Variants in C1orf94 observed in about 807,000 individuals in gnomAD.
C1orf94 encodes the protein chromosome 1 open reading frame 94, also known as uncharacterized protein C1orf94.
In C1orf94, 45 loss-of-function variants were observed where a neutral mutation model predicts 53.6. The observed-to-expected ratio is 0.84, with a 90% CI of 0.66 to 1.08. The LOEUF (loss-of-function observed/expected upper bound fraction) is 1.08, where lower values mean the gene tolerates loss of function less well. Ranked by LOEUF, C1orf94 falls within the 50% of genes least tolerant of loss-of-function variation. The pLI, the probability that C1orf94 is intolerant of heterozygous loss-of-function variation, is 0.00. For missense variants in C1orf94, 762 were observed against 738.9 expected, an observed-to-expected ratio of 1.03 and a Z score of -0.36; for synonymous variants, 304 against 296.1, an observed-to-expected ratio of 1.03 and a Z score of -0.27.
At chr1:34,192,878 G>C (rs1642515954) in intron 1 of C1orf94, among the ~76,000 whole-genome samples, 1 of 152,096 alleles carries the variant, frequency 6.6e-6, no homozygotes, top group Non-Finnish European at 1.5e-5. Context: ...GTAGATAAAA[G>C]CCCAACATGA....
intron 1 of C1orf94, among the ~76,000 whole-genome samples, chr1:34,180,347 C>T (rs1642295025): frequency 6.6e-6 from 1 of 152,170 alleles, no homozygotes; most frequent in Non-Finnish European, 1.5e-5. Flanking sequence ...TTTTATTATG[C>T]AAATTTTCAA....
chr1:34,194,303 G>T (rs931859240), intron 1 of C1orf94, among the ~76,000 whole-genome samples: 2 of 152,300 alleles, frequency 1.3e-5, no homozygotes, highest in Non-Finnish European at 2.9e-5. Flanking sequence ...TGACAGATGA[G>T]GAATACAAGG....
In C1orf94 at chr1:34,182,020, C is replaced by T. The variant is rs1012934438; in HGVS notation, c.320+3911C>T. ...ACCAGCCTGGGCAACATGGCAAGAC[C>T]TCATCTCTACAAAAAATACAAAAAT... On this transcript the variant is annotated intron_variant, in intron 1 of 6. Coordinates refer to ENST00000488417, the MANE Select transcript of C1orf94 (RefSeq NM_001134734.2). Among the ~76,000 whole-genome samples the T allele has an allele frequency of 2.0e-5, 3 of 152,084 alleles. No individual in the cohort carries two copies. The East Asian group carries it at 5.8e-4, about 29-fold the overall frequency.
intron 1 of C1orf94, among the ~76,000 whole-genome samples, chr1:34,190,238 C>T (rs957402009): frequency 2.6e-5 from 4 of 152,192 alleles, no homozygotes; most frequent in Non-Finnish European, 5.9e-5. Flanking sequence ...TGTCACTCCT[C>T]TAGATTATCC....
upstream of C1orf94, among the ~76,000 whole-genome samples, chr1:34,172,577 C>T (rs146356844): frequency 5.9e-3 from 902 of 152,288 alleles, 10 homozygotes; most frequent in African/African-American, 0.021. Flanking sequence ...AGTGTGTCAG[C>T]TGCCACCACC....
intron 6 of C1orf94, 78 bp downstream of exon 6, chr1:34,212,484 G>A: frequency 7.1e-7 from 1 of 1,404,412 alleles, no homozygotes; most frequent in Non-Finnish European, 9.6e-7. Context: ...GGGCTTACCA[G>A]CGCTTTCTTA....
chr1:34,209,878 T>A (rs976660678), intron 5 of C1orf94, among the ~76,000 whole-genome samples: 16 of 152,202 alleles, frequency 1.1e-4, no homozygotes, highest in Admixed American at 1.0e-3. Context: ...TGCATGCATG[T>A]GTATGTATTT....
At chr1:34,198,098 T>G (rs17485021) in intron 2 of C1orf94, among the ~76,000 whole-genome samples, 185 bp downstream of exon 2, 30,706 of 152,186 alleles carry the variant, frequency 0.2, 3,244 homozygotes, top group Middle Eastern at 0.3. Context: ...TTTGCTGGGT[T>G]CCCCTGTGCA....
upstream of C1orf94, among the ~76,000 whole-genome samples, chr1:34,172,313 A>T (rs1642156976): frequency 2.6e-5 from 4 of 151,170 alleles, no homozygotes; most frequent in South Asian, 6.3e-4. Flanking sequence ...TGGAGATCTC[A>T]TAGGCTGCCA....
chr1:34,200,881 A>T lies in C1orf94; in HGVS notation c.1119A>T (p.Ala373=). The change falls in exon 3 of 7, where the codon GCA becomes GCT. Residue 373 remains alanine (A), a synonymous_variant. Transcript: ENST00000488417. ...DACGEEGCCD[A]VGTASLTLPP... is the part of the protein sequence containing the mutation. ...GTGGTGAGGAGGGTTGCTGTGACGC[A>T]GTGGGCACCGCATCACTGACCCTGC... 1 of 1,614,190 alleles carries T rather than the reference A, an allele frequency of 6.2e-7. No individual in the cohort carries two copies. The highest frequency in any genetic ancestry group is 1.1e-5 in the South Asian group (1 of 91,078).
upstream of C1orf94, among the ~76,000 whole-genome samples, chr1:34,176,372 C>G (rs2148609933): frequency 6.6e-6 from 1 of 152,290 alleles, no homozygotes; most frequent in African/African-American, 2.4e-5. Flanking sequence ...AGCAGAGGTA[C>G]TGTGTCAGTG....
chr1:34,193,885 A>G (rs935583407), intron 1 of C1orf94, among the ~76,000 whole-genome samples: 6 of 152,176 alleles, frequency 3.9e-5, no homozygotes, highest in African/African-American at 1.2e-4. Context: ...GCGGGCCCAT[A>G]TGTTCTTGAC....
intron 6 of C1orf94, among the ~76,000 whole-genome samples, chr1:34,217,160 C>T (rs905710435): frequency 6.6e-6 from 1 of 152,160 alleles, no homozygotes; most frequent in Non-Finnish European, 1.5e-5. Context: ...ATATGTTCGT[C>T]CTACTCAACA....
chr1:34,208,041 C>A, intron 4 of C1orf94, 116 bp from the exon 5 acceptor site: 4 of 996,114 alleles, frequency 4.0e-6, no homozygotes, highest in East Asian at 2.6e-5. Context: ...GCCCATGGGT[C>A]TGGTCAGCAA....
intron 4 of C1orf94, among the ~76,000 whole-genome samples, chr1:34,204,156 A>G (rs1336056361): frequency 1.3e-5 from 2 of 152,136 alleles, no homozygotes; most frequent in Non-Finnish European, 2.9e-5. Flanking sequence ...CTCCACTCCT[A>G]GGAACCCTAT....
chr1:34,186,613 G>A (rs569660396), intron 1 of C1orf94, among the ~76,000 whole-genome samples: 14 of 152,224 alleles, frequency 9.2e-5, no homozygotes, highest in Non-Finnish European at 1.8e-4. Context: ...GTCATCATAA[G>A]AGACAAATGC....
chr1:34,200,886 GC>G lies in C1orf94; in HGVS notation c.1125del (p.Thr376ProfsTer4). On this transcript the variant is annotated frameshift_variant, in exon 3 of 7. Transcript: ENST00000488417. LOFTEE classifies it high-confidence loss of function. ...CGEEGCCDAV[G>X]TASLTLPPKK... The stretch of plus-strand genomic sequence containing the variant: ...GAGGAGGGTTGCTGTGACGCAGTGG[GC>G]ACCGCATCACTGACCCTGCCGCCCA... The G allele has an allele frequency of 6.2e-7, 1 of 1,614,138 alleles. No individual in the cohort carries two copies. The highest frequency in any genetic ancestry group is 8.5e-7 in the Non-Finnish European group (1 of 1,180,028).
intron 1 of C1orf94, among the ~76,000 whole-genome samples, chr1:34,189,487 T>A (rs934209165): frequency 3.3e-5 from 5 of 152,152 alleles, no homozygotes; most frequent in African/African-American, 1.2e-4. Flanking sequence ...CCTCCCTTGC[T>A]TCCACACTGG....
intron 1 of C1orf94, among the ~76,000 whole-genome samples, chr1:34,195,284 C>T (rs897171827): frequency 6.6e-6 from 1 of 152,162 alleles, no homozygotes; most frequent in African/African-American, 2.4e-5. Flanking sequence ...GTACCAGTGA[C>T]CTCGCCCAAT....
Sources: allele counts gnomAD v4.1 joint callset (sites outside exome capture counted in the v4.1 genomes callset), GRCh38; gene constraint gnomAD v4.1.1; transcripts MANE v1.5; gene names NCBI Gene and HGNC (gene_info 2026-07-23, HGNC 2026-07-21).